The following CNTN5 variants were observed in gnomAD, a reference collection of about 807,000 sequenced individuals.
CNTN5 encodes contactin-5.
CNTN5 carries 77 observed loss-of-function variants against 129.1 expected under a neutral mutation model. The ratio of observed to expected loss-of-function variants is 0.60; its 90% confidence interval spans 0.50 to 0.72. The LOEUF is 0.72. Among genes scored for constraint, CNTN5 ranks in the 30% least tolerant of loss-of-function variants. The pLI, the probability that CNTN5 is intolerant of heterozygous loss-of-function variation, is 0.00. For missense variants in CNTN5, 1,478 were observed against 1,328.8 expected (o/e 1.11, Z -1.75); for synonymous variants, 509 against 465.6 (o/e 1.09, Z -1.20).
chr11:100,248,712 G>T (rs1010733058), intron 16 of CNTN5, among the ~76,000 whole-genome samples: 3 of 152,150 alleles, frequency 2.0e-5, no homozygotes, highest in Admixed American at 2.0e-4. Flanking sequence ...ATCTATGTGA[G>T]AAAAAGCCAG....
At chr11:100,237,179 A>G (rs1591424037) in intron 16 of CNTN5, among the ~76,000 whole-genome samples, 1 of 134,502 alleles carries the variant, frequency 7.4e-6, no homozygotes, top group Admixed American at 8.1e-5. Flanking sequence ...ACAGAGCAAG[A>G]CTCCGTCTCA....
At chr11:100,079,231 A>C (rs1944266155) in intron 13 of CNTN5, among the ~76,000 whole-genome samples, 1 of 152,106 alleles carries the variant, frequency 6.6e-6, no homozygotes, top group Non-Finnish European at 1.5e-5. Flanking sequence ...GTATTAATAT[A>C]ATTTGTACCT....
At chr11:99,217,429 A>G (rs1258993485) in intron 1 of CNTN5, among the ~76,000 whole-genome samples, 1 of 152,216 alleles carries the variant, frequency 6.6e-6, no homozygotes, top group Non-Finnish European at 1.5e-5. Context: ...ATAGGCAAGA[A>G]TGAATACGAG....
intron 21 of CNTN5, chr11:100,337,486 T>C: frequency 1.3e-6 from 1 of 743,620 alleles, no homozygotes; most frequent in South Asian, 1.3e-5. Flanking sequence ...CCTGAGGGAC[T>C]GAACTTTCAG....
intron 1 of CNTN5, among the ~76,000 whole-genome samples, chr11:99,100,033 C>T (rs1455659852): frequency 6.6e-6 from 1 of 151,990 alleles, no homozygotes; most frequent in East Asian, 1.9e-4. Flanking sequence ...TTAAAACATA[C>T]TTTTTATGGC....
intron 6 of CNTN5, among the ~76,000 whole-genome samples, chr11:99,849,575 C>A (rs1947808770): frequency 6.6e-6 from 1 of 152,002 alleles, no homozygotes. Context: ...GCTGCAGGTG[C>A]ATATTAGATA....
At chr11:99,274,305 TA>T (rs1863320727) in intron 1 of CNTN5, among the ~76,000 whole-genome samples, 1 of 151,788 alleles carries the variant, frequency 6.6e-6, no homozygotes, top group African/African-American at 2.4e-5. Flanking sequence ...TCAAACAGGC[TA>T]AATTTTTTTG....
chr11:100,344,971 C>T (rs1443944347), intron 23 of CNTN5, among the ~76,000 whole-genome samples: 2 of 151,896 alleles, frequency 1.3e-5, no homozygotes, highest in African/African-American at 2.4e-5. Context: ...AATTTTAAAG[C>T]TTATATTAAT....
rs149677839 is a variant in CNTN5 at position 99,883,832 on chromosome 11, C to G, written c.578-32222C>G. On this transcript the variant is annotated intron_variant, in intron 6 of 24. Transcript: ENST00000524871. ...ACAGCATGTCCACACCCTTTTCAGA[C>G]TCACTATATGTTAATCAAAAACAAA... Among the ~76,000 whole-genome samples the G allele has an allele frequency of 3.9e-5, 6 of 152,294 alleles. No individual in the cohort carries two copies. The East Asian group carries it at 9.7e-4, about 25-fold the overall frequency.
chr11:99,613,986 G>T (rs906436626), intron 3 of CNTN5, among the ~76,000 whole-genome samples: 2 of 152,122 alleles, frequency 1.3e-5, no homozygotes, highest in African/African-American at 4.8e-5. Context: ...TATAACTATA[G>T]AATAATTATA....
chr11:99,465,253 G>GC (rs1158853433), intron 2 of CNTN5, among the ~76,000 whole-genome samples: 1 of 152,014 alleles, frequency 6.6e-6, no homozygotes, highest in African/African-American at 2.4e-5. Context: ...AGTTGATTTA[G>GC]CCCCCCACAG....
At position 100,158,134 on chromosome 11, in the gene CNTN5, C is replaced by T. The variant is rs560600503; in HGVS notation, c.1581-32992C>T. Among the ~76,000 whole-genome samples the T allele has an allele frequency of 3.3e-5, 5 of 151,776 alleles. No homozygotes were observed. In the East Asian group the frequency reaches 7.8e-4, roughly 24 times the overall value. ...TTTGTTCTTCAAGTGCCAAGACAAA[C>T]TCAGAAGAGAAAGATGAGTTGTTTG... On this transcript the variant is annotated intron_variant, in intron 13 of 24. Transcript: ENST00000524871.
chr11:100,232,850 A>T (rs1949520302), intron 16 of CNTN5, among the ~76,000 whole-genome samples: 1 of 152,232 alleles, frequency 6.6e-6, no homozygotes. Context: ...TACTAATAAT[A>T]AACATAGCTA....
At chr11:99,619,974 C>T (rs564419769) in intron 3 of CNTN5, among the ~76,000 whole-genome samples, 15 of 143,256 alleles carry the variant, frequency 1.0e-4, no homozygotes, top group South Asian at 9.2e-4. Flanking sequence ...TGCAGTGAGC[C>T]GAGATCGTGC....
At chr11:99,928,499 C>A (rs1950114608) in intron 7 of CNTN5, among the ~76,000 whole-genome samples, 1 of 152,218 alleles carries the variant, frequency 6.6e-6, no homozygotes, top group African/African-American at 2.4e-5. Flanking sequence ...AACCTCAATT[C>A]TTGACCTCTG....
Position 99,150,408 on chromosome 11 carries a change from A to G in CNTN5, c.-210+129138A>G, listed in dbSNP as rs1591278823. Among the ~76,000 whole-genome samples the G allele has an allele frequency of 4.6e-5, 7 of 152,166 alleles. No homozygotes were observed. The South Asian group carries it at 1.4e-3, about 32-fold the overall frequency. The stretch of plus-strand genomic sequence containing the variant: ...TTGAAGATTCTCATAGAAGTAAAAT[A>G]TATCACAAATGTTGACAACTATATT... On this transcript the variant is annotated intron_variant, in intron 1 of 24. Transcript: ENST00000524871.
intron 3 of CNTN5, among the ~76,000 whole-genome samples, chr11:99,662,800 A>T (rs531670705): frequency 6.6e-6 from 1 of 152,292 alleles, no homozygotes; most frequent in Admixed American, 6.5e-5. Context: ...TTAGAAATAA[A>T]GAATCTCAGA....
At chr11:99,751,704 T>C (rs1374310811) in intron 3 of CNTN5, among the ~76,000 whole-genome samples, 2 of 152,208 alleles carry the variant, frequency 1.3e-5, no homozygotes, top group African/African-American at 2.4e-5. Context: ...GTAAATATTT[T>C]TGAATTTTTT....
chr11:99,037,424 G>T (rs1863791472), intron 1 of CNTN5, among the ~76,000 whole-genome samples: 2 of 151,838 alleles, frequency 1.3e-5, no homozygotes, highest in Admixed American at 1.3e-4. Flanking sequence ...TCTTTTCTAG[G>T]CTCCTTTGCA....
Sources: gnomAD v4.1 joint callset for allele counts (sites outside exome capture counted in the v4.1 genomes callset) on GRCh38, gnomAD v4.1.1 for gene constraint, MANE v1.5 for transcripts, NCBI Gene and HGNC (gene_info 2026-07-23, HGNC 2026-07-21) for gene names.